The following FRAS1 variants were observed in gnomAD, a reference collection of about 807,000 sequenced individuals.
FRAS1 encodes Fraser extracellular matrix complex subunit 1.
Under a neutral mutation model 435.2 loss-of-function variants are expected in FRAS1, and 290 were observed. That is an observed-to-expected ratio of 0.67 (90% CI 0.61 to 0.73). FRAS1 has a LOEUF of 0.73. Among genes scored for constraint, FRAS1 ranks in the 30% least tolerant of loss-of-function variants. The probability of loss-of-function intolerance (pLI) is 0.00; values close to 1 mark genes in which losing one functional copy is unlikely to be tolerated. For synonymous variants in FRAS1, 1,800 were observed against 1,851.0 expected (o/e 0.97, Z 0.71); for missense variants, 4,860 against 5,001.5 (o/e 0.97, Z 0.85).
Position 78,337,955 on chromosome 4 carries a change from T to C in FRAS1, c.2422+138T>C, listed in dbSNP as rs551364167. ...CATTTGTTTCATGTCTGGAAACTCA[T>C]GTTACTGCTTCTCCTTGGGCATTTA... is the stretch of plus-strand genomic sequence containing the variant. On this transcript the variant is annotated intron_variant, in intron 20 of 73. Coordinates refer to ENST00000512123, the MANE Select transcript of FRAS1 (RefSeq NM_025074.7). The C allele has an allele frequency of 4.9e-5, 37 of 759,400 alleles. 1 individual carries two copies. In the South Asian group the frequency reaches 5.6e-4, roughly 11 times the overall value. 47.0% of individuals were successfully genotyped at this position (759,400 alleles called of 1,614,324 possible). A position where few individuals can be genotyped will look rare whatever the true frequency, so the allele number is the denominator to read the frequency against.
chr4:78,326,134 C>G (rs1729708580), intron 18 of FRAS1, among the ~76,000 whole-genome samples: 1 of 103,860 alleles, frequency 9.6e-6, no homozygotes, highest in South Asian at 2.7e-4. Flanking sequence ...AAAATTTGGT[C>G]AATTCACATT....
In FRAS1 at chr4:78,473,372, T is replaced by C. The variant is rs1283217306; in HGVS notation, c.7523-66T>C. On this transcript the variant is annotated intron_variant, in intron 52 of 73. Coordinates refer to ENST00000512123, the MANE Select transcript of FRAS1 (RefSeq NM_025074.7). ...TAGAAGAATAAACTAGGTTTGTTGG[T>C]GTGGTAATCTATGAAGCTGTCGTTA... 3 of 1,295,316 alleles carry C rather than the reference T, an allele frequency of 2.3e-6. No individual in the cohort carries two copies. The East Asian group carries it at 7.3e-5, about 32-fold the overall frequency. 80.2% of individuals were successfully genotyped at this position (1,295,316 alleles called of 1,614,324 possible).
intron 2 of FRAS1, among the ~76,000 whole-genome samples, chr4:78,216,723 A>G (rs1723783632): frequency 6.6e-6 from 1 of 152,214 alleles, no homozygotes; most frequent in East Asian, 1.9e-4. Flanking sequence ...ATGAAGCGAA[A>G]TGGAAAGCCA....
intron 72 of FRAS1, 119 bp from the exon 73 acceptor site, chr4:78,539,175 C>G: frequency 1.3e-5 from 12 of 939,294 alleles, no homozygotes; most frequent in South Asian, 7.0e-5. Context: ...AGCACATACT[C>G]TCTCAACTCA....
intron 41 of FRAS1, chr4:78,444,094 A>G (rs1040656993): frequency 2.0e-5 from 9 of 441,462 alleles, no homozygotes; most frequent in Admixed American, 5.0e-5. Flanking sequence ...GGCTCAAGCA[A>G]TCCTCCTGCC....
chr4:78,250,098 T>C (rs1578206615), intron 4 of FRAS1, among the ~76,000 whole-genome samples: 1 of 152,198 alleles, frequency 6.6e-6, no homozygotes, highest in East Asian at 1.9e-4. Context: ...CTTTAAGATA[T>C]ATAAATGACT....
At chr4:78,218,098 T>TCTCTCTCACACACACACA (rs368430185) in intron 2 of FRAS1, among the ~76,000 whole-genome samples, 2 of 39,738 alleles carry the variant, frequency 5.0e-5, no homozygotes, top group African/African-American at 1.9e-4. Context: ...TCACTCTCTC[T>TCTCTCTCACACACACACA]CACACACACA....
chr4:78,531,097 A>G (rs941522358), intron 70 of FRAS1, among the ~76,000 whole-genome samples: 1 of 152,156 alleles, frequency 6.6e-6, no homozygotes, highest in Non-Finnish European at 1.5e-5. Flanking sequence ...TTCTCTTAGT[A>G]GAAATTGTGA....
chr4:78,133,054 A>C (rs760172188), intron 2 of FRAS1, among the ~76,000 whole-genome samples: 7 of 152,170 alleles, frequency 4.6e-5, no homozygotes, highest in Non-Finnish European at 8.8e-5. Flanking sequence ...CAGCCTGGGC[A>C]ACAGAGCGAG....
intron 2 of FRAS1, among the ~76,000 whole-genome samples, chr4:78,115,816 T>C (rs1055334832): frequency 6.6e-6 from 1 of 151,632 alleles, no homozygotes. Flanking sequence ...GTTTTTTTTG[T>C]GTGTCTATTT....
At chr4:78,503,905 G>C (rs1484649291) in intron 61 of FRAS1, among the ~76,000 whole-genome samples, 1 of 152,150 alleles carries the variant, frequency 6.6e-6, no homozygotes, top group Non-Finnish European at 1.5e-5. Flanking sequence ...AGAGATTCTG[G>C]TACATTGTGT....
At chr4:78,440,332 A>G (rs1361592904) in intron 40 of FRAS1, among the ~76,000 whole-genome samples, 3 of 152,164 alleles carry the variant, frequency 2.0e-5, no homozygotes, top group African/African-American at 4.8e-5. Flanking sequence ...GGGCCCGGCC[A>G]AACTAAGTCA....
intron 20 of FRAS1, among the ~76,000 whole-genome samples, chr4:78,344,120 G>A (rs192971684): frequency 1.8e-3 from 265 of 150,694 alleles, no homozygotes; most frequent in Admixed American, 3.0e-3. Flanking sequence ...TCCCCTCCAG[G>A]ACCAGCTTCT....
intron 2 of FRAS1, among the ~76,000 whole-genome samples, chr4:78,191,820 C>T (rs1342527162): frequency 6.6e-6 from 1 of 151,964 alleles, no homozygotes; most frequent in Non-Finnish European, 1.5e-5. Flanking sequence ...TGATAATTTG[C>T]TGAGAATGAT....
At position 78,540,709 on chromosome 4, in the gene FRAS1, A is replaced by G; in HGVS notation, c.11624A>G (p.Asp3875Gly). 6.2e-7 allele frequency: 1 copy of G among 1,613,820 alleles called. No individual in the cohort carries two copies. Among genetic ancestry groups the G allele is most frequent in the East Asian group, 2.2e-5 (1 of 44,886 alleles). The stretch of plus-strand genomic sequence containing the variant: ...TCCCTCATCTATGACAATGAAGGAG[A>G]CCAAGTCAAGAATGGCACCAATATG... ...DDSLIYDNEGDQVKNGTNMKS... is the reference protein window; with the variant it reads ...DDSLIYDNEGGQVKNGTNMKS... Residue 3875 changes from aspartate (D) to glycine (G), a missense_variant, in exon 74 of 74, where the codon GAC becomes GGC. Coordinates refer to ENST00000512123, the MANE Select transcript of FRAS1 (RefSeq NM_025074.7).
At chr4:78,441,078 C>G in intron 40 of FRAS1, 84 bp from the exon 41 acceptor site, 1 of 1,410,036 alleles carries the variant, frequency 7.1e-7, no homozygotes, top group Non-Finnish European at 9.8e-7. Context: ...GAAGGTCACC[C>G]AGGCAGCACT....
At chr4:78,508,300 T>G (rs989505510) in intron 62 of FRAS1, among the ~76,000 whole-genome samples, 5 of 152,358 alleles carry the variant, frequency 3.3e-5, no homozygotes, top group Admixed American at 6.5e-5. Flanking sequence ...TATTTCAAAA[T>G]GTGTCTCTTA....
At chr4:78,424,782 A>G (rs1670560155) in intron 35 of FRAS1, among the ~76,000 whole-genome samples, 1 of 152,074 alleles carries the variant, frequency 6.6e-6, no homozygotes, top group African/African-American at 2.4e-5. Flanking sequence ...TCTATAAAAA[A>G]AAAAAACAAC....
chr4:78,399,851 C>G (rs945513366), intron 29 of FRAS1, among the ~76,000 whole-genome samples: 10 of 152,354 alleles, frequency 6.6e-5, no homozygotes, highest in Admixed American at 6.5e-4. Flanking sequence ...ATTTCCATCT[C>G]CTGCCATTGG....
Sources: gnomAD v4.1 joint callset for allele counts (sites outside exome capture counted in the v4.1 genomes callset) on GRCh38, gnomAD v4.1.1 for gene constraint, MANE v1.5 for transcripts, NCBI Gene and HGNC (gene_info 2026-07-23, HGNC 2026-07-21) for gene names.